KLHL1: variants seen among roughly 807,000 people sequenced by gnomAD.
KLHL1 encodes kelch-like protein 1.
A neutral mutation model predicts 77.7 loss-of-function variants in KLHL1; 47 were observed. The observed-to-expected ratio is 0.60, with a 90% CI of 0.48 to 0.77. The LOEUF (loss-of-function observed/expected upper bound fraction) is 0.77. Among genes scored for constraint, KLHL1 ranks in the 30% least tolerant of loss-of-function variants. KLHL1 has a pLI of 0.00. For synonymous variants in KLHL1, 360 were observed against 325.2 expected (o/e 1.11, Z -1.15); for missense variants, 925 against 910.8 (o/e 1.02, Z -0.20).
At chr13:69,888,783 AAC>A (rs1469308384) in intron 4 of KLHL1, among the ~76,000 whole-genome samples, 1 of 152,156 alleles carries the variant, frequency 6.6e-6, no homozygotes, top group African/African-American at 2.4e-5. Flanking sequence ...CTAGGAAACT[AAC>A]ACACATCATT....
At chr13:70,024,628 C>A (rs199759411) in intron 1 of KLHL1, among the ~76,000 whole-genome samples, 2,126 of 70,012 alleles carry the variant, frequency 0.03, 55 homozygotes, top group African/African-American at 0.15. Context: ...ATTTCTCTCT[C>A]TCTCTCTCTC....
intron 7 of KLHL1, among the ~76,000 whole-genome samples, chr13:69,762,635 T>C (rs1423038843): frequency 1.3e-5 from 2 of 149,914 alleles, no homozygotes; most frequent in South Asian, 4.3e-4. Context: ...TGTGCACCCA[T>C]TGAAGACCTT....
chr13:69,850,887 G>C (rs1879658020), intron 5 of KLHL1, among the ~76,000 whole-genome samples: 1 of 151,580 alleles, frequency 6.6e-6, no homozygotes, highest in South Asian at 2.1e-4. Context: ...TTCGCACTTT[G>C]TCTTTAATGT....
chr13:70,056,907 C>T (rs1247412695), intron 1 of KLHL1, among the ~76,000 whole-genome samples: 1 of 151,712 alleles, frequency 6.6e-6, no homozygotes, highest in African/African-American at 2.4e-5. Context: ...TTTTAAAGAA[C>T]TAGAAAATGA....
intron 5 of KLHL1, among the ~76,000 whole-genome samples, chr13:69,872,504 A>C (rs1880621925): frequency 6.6e-6 from 1 of 152,032 alleles, no homozygotes; most frequent in South Asian, 2.1e-4. Context: ...ACCATAATAC[A>C]CAATCCATGT....
intron 1 of KLHL1, among the ~76,000 whole-genome samples, chr13:70,081,053 T>A (rs1182607906): frequency 1.3e-5 from 2 of 152,132 alleles, no homozygotes; most frequent in African/African-American, 2.4e-5. Flanking sequence ...TCCTTAGAAA[T>A]TTTGGGGAAA....
At chr13:69,843,650 G>A (rs1023939843) in intron 5 of KLHL1, among the ~76,000 whole-genome samples, 1 of 151,712 alleles carries the variant, frequency 6.6e-6, no homozygotes, top group African/African-American at 2.4e-5. Flanking sequence ...TTATATGTTA[G>A]TGGTACAGTA....
At chr13:69,780,707 T>TACAC (rs1197088036) in intron 7 of KLHL1, among the ~76,000 whole-genome samples, 3 of 37,762 alleles carry the variant, frequency 7.9e-5, no homozygotes, top group Admixed American at 4.6e-4. Context: ...TATATGTATA[T>TACAC]ATATATATGT....
intron 7 of KLHL1, among the ~76,000 whole-genome samples, chr13:69,763,905 T>C (rs946349415): frequency 5.3e-5 from 8 of 152,206 alleles, no homozygotes; most frequent in African/African-American, 1.4e-4. Context: ...TTGTAACCCT[T>C]ACAAAAAAGT....
chr13:69,753,032 G>C (rs2137951482), intron 7 of KLHL1, among the ~76,000 whole-genome samples: 1 of 152,188 alleles, frequency 6.6e-6, no homozygotes, highest in African/African-American at 2.4e-5. Flanking sequence ...TAGGATGCCT[G>C]GCTGAACTTT....
At chr13:70,076,818 G>T (rs1887278711) in intron 1 of KLHL1, among the ~76,000 whole-genome samples, 1 of 151,820 alleles carries the variant, frequency 6.6e-6, no homozygotes, top group Non-Finnish European at 1.5e-5. Context: ...CAGTTAAAAA[G>T]TTAACAAAAG....
chr13:70,010,644 G>C (rs2472283), intron 1 of KLHL1, among the ~76,000 whole-genome samples: 73,146 of 151,716 alleles, frequency 0.48, 17,871 homozygotes, highest in African/African-American at 0.53. Flanking sequence ...ATAATCCCAG[G>C]ACTTGGGAGG....
rs150154794 is a variant in KLHL1 at position 69,892,606 on chromosome 13, GA to G, written c.1015-10112del. On this transcript the variant is annotated intron_variant, in intron 4 of 10. Coordinates refer to ENST00000377844, the MANE Select transcript of KLHL1 (RefSeq NM_020866.3). Reference sequence around the variant, plus strand: ...AAAAAGTTTATACCCTAACTTCTCAGAAAAAAAAACAACAATTTTCCAGGAA... The same window carrying G: ...AAAAAGTTTATACCCTAACTTCTCAGAAAAAAAACAACAATTTTCCAGGAA... Among the ~76,000 whole-genome samples, 81 of 149,738 alleles carry G rather than the reference GA, an allele frequency of 5.4e-4. 1 individual carries two copies. Among genetic ancestry groups the G allele is most frequent in the Middle Eastern group, 6.8e-3 (2 of 292 alleles).
intron 8 of KLHL1, among the ~76,000 whole-genome samples, chr13:69,725,329 C>T (rs868495957): frequency 3.3e-5 from 5 of 152,036 alleles, no homozygotes; most frequent in African/African-American, 1.2e-4. Context: ...AAAGTGGAGT[C>T]CCAGTTACCA....
chr13:69,916,183 G>A (rs1344943844), intron 4 of KLHL1, among the ~76,000 whole-genome samples: 2 of 149,984 alleles, frequency 1.3e-5, no homozygotes, highest in Admixed American at 6.6e-5. Context: ...TCAGTGTGGC[G>A]ATTCCTCAGG....
intron 4 of KLHL1, among the ~76,000 whole-genome samples, chr13:69,898,135 G>A (rs1327059029): frequency 2.0e-5 from 3 of 152,208 alleles, no homozygotes; most frequent in Admixed American, 6.5e-5. Context: ...CTCCAAGAAG[G>A]AGATTAATGT....
intron 8 of KLHL1, among the ~76,000 whole-genome samples, chr13:69,723,453 T>A (rs1873156847): frequency 6.6e-6 from 1 of 152,034 alleles, no homozygotes; most frequent in African/African-American, 2.4e-5. Flanking sequence ...GTAGAATTAT[T>A]ATGTGTCAAT....
chr13:69,879,336 C>T (rs1351133324), intron 5 of KLHL1, among the ~76,000 whole-genome samples: 1 of 151,994 alleles, frequency 6.6e-6, no homozygotes, highest in East Asian at 1.9e-4. Context: ...AAATAACTTC[C>T]CCTACCACTA....
chr13:69,864,166 G>A (rs1181889658), intron 5 of KLHL1, among the ~76,000 whole-genome samples: 1 of 151,880 alleles, frequency 6.6e-6, no homozygotes, highest in East Asian at 1.9e-4. Flanking sequence ...CAAGAAGTAG[G>A]ATGACCTTGT....
Sources: allele counts gnomAD v4.1 joint callset (sites outside exome capture counted in the v4.1 genomes callset), GRCh38; gene constraint gnomAD v4.1.1; transcripts MANE v1.5; gene names NCBI Gene and HGNC (gene_info 2026-07-23, HGNC 2026-07-21).